The following SGCZ variants were observed in gnomAD, a reference collection of about 807,000 sequenced individuals.
The protein encoded by SGCZ is sarcoglycan zeta, also known as zeta-sarcoglycan.
SGCZ carries 40 observed loss-of-function variants against 41.3 expected under a neutral mutation model. The observed-to-expected ratio is 0.97, with a 90% CI of 0.75 to 1.26. The LOEUF (loss-of-function observed/expected upper bound fraction) is 1.26, where lower values mean the gene tolerates loss of function less well. Among genes scored for constraint, SGCZ ranks in the 50% most tolerant of loss-of-function variants. The pLI is 0.00. For missense variants in SGCZ, 552 were observed against 369.8 expected (o/e 1.49, Z -4.04); for synonymous variants, 206 against 137.5 (o/e 1.50, Z -3.49).
intron 1 of SGCZ, among the ~76,000 whole-genome samples, chr8:14,750,001 C>T (rs1799450656): frequency 6.6e-6 from 1 of 152,120 alleles, no homozygotes; most frequent in Non-Finnish European, 1.5e-5. Context: ...ATCATTCAAA[C>T]TCTCCGTTAG....
At chr8:14,738,414 A>G (rs574543382) in intron 1 of SGCZ, among the ~76,000 whole-genome samples, 16 of 152,104 alleles carry the variant, frequency 1.1e-4, no homozygotes, top group Non-Finnish European at 1.5e-4. Flanking sequence ...TAAAAAGTAA[A>G]TGATATAAGC....
chr8:15,224,706 C>G (rs964212151), intron 1 of SGCZ, among the ~76,000 whole-genome samples: 3 of 151,862 alleles, frequency 2.0e-5, no homozygotes, highest in African/African-American at 7.3e-5. Context: ...TCTGAATATA[C>G]AAAAAGGTTC....
intron 1 of SGCZ, among the ~76,000 whole-genome samples, chr8:15,147,568 G>A (rs765186602): frequency 2.0e-5 from 3 of 152,154 alleles, no homozygotes; most frequent in African/African-American, 7.2e-5. Flanking sequence ...GTGAGCTGCC[G>A]TACCCGGCTG....
At chr8:15,197,318 G>A (rs1465115772) in intron 1 of SGCZ, among the ~76,000 whole-genome samples, 1 of 152,050 alleles carries the variant, frequency 6.6e-6, no homozygotes, top group East Asian at 1.9e-4. Flanking sequence ...CTCTTCTTCA[G>A]AATACATATG....
chr8:14,605,260 T>G (rs1232177424), intron 1 of SGCZ, among the ~76,000 whole-genome samples: 2 of 104,328 alleles, frequency 1.9e-5, no homozygotes, highest in Admixed American at 2.1e-4. Flanking sequence ...CTTTTTAAAG[T>G]TTTTTTTTAA....
At chr8:14,894,306 AC>A (rs1331703386) in intron 1 of SGCZ, among the ~76,000 whole-genome samples, 3 of 152,192 alleles carry the variant, frequency 2.0e-5, no homozygotes, top group African/African-American at 7.2e-5. Context: ...CTCTCAGTTG[AC>A]TTTTGAAGAG....
intron 2 of SGCZ, among the ~76,000 whole-genome samples, chr8:14,489,887 G>A (rs998910833): frequency 2.2e-5 from 1 of 45,424 alleles, no homozygotes; most frequent in African/African-American, 9.0e-5. Context: ...TTTTTCCTGA[G>A]ATGGAGTCTC....
At chr8:14,828,090 G>A (rs62493313) in intron 1 of SGCZ, among the ~76,000 whole-genome samples, 2,437 of 152,274 alleles carry the variant, frequency 0.016, 35 homozygotes, top group Non-Finnish European at 0.023. Flanking sequence ...TATTAGAAAA[G>A]TAATTCTGCT....
At chr8:14,491,284 C>T (rs191284516) in intron 2 of SGCZ, among the ~76,000 whole-genome samples, 97 of 151,136 alleles carry the variant, frequency 6.4e-4, no homozygotes, top group African/African-American at 2.3e-3. Context: ...CACCCACCCA[C>T]ACACACACAC....
At chr8:14,409,906 TA>T (rs1374208072) in intron 2 of SGCZ, among the ~76,000 whole-genome samples, 1 of 151,924 alleles carries the variant, frequency 6.6e-6, no homozygotes, top group African/African-American at 2.4e-5. Flanking sequence ...ATATGGGAGG[TA>T]AAAATGTCTT....
chr8:14,774,786 C>G (rs188137965), intron 1 of SGCZ, among the ~76,000 whole-genome samples: 2 of 152,260 alleles, frequency 1.3e-5, no homozygotes, highest in East Asian at 3.9e-4. Flanking sequence ...ACAAGTATTA[C>G]TATCCTTTCA....
Position 14,636,150 on chromosome 8 carries a change from T to A in SGCZ, c.40-81224A>T, listed in dbSNP as rs146641732. 5.3e-5 allele frequency among the ~76,000 whole-genome samples: 8 copies of A among 151,916 alleles called. No homozygotes were observed. The East Asian group carries it at 1.6e-3, about 30-fold the overall frequency. On this transcript the variant is annotated intron_variant, in intron 1 of 7. Transcript: ENST00000382080. ...GGACCTGCAGTAAGTTCAGTGTGGG[T>A]GCATAATAGAGGATGAGAGGAAATA...
At chr8:14,652,354 G>T (rs1202840643) in intron 1 of SGCZ, among the ~76,000 whole-genome samples, 1 of 68,456 alleles carries the variant, frequency 1.5e-5, no homozygotes, top group Non-Finnish European at 3.3e-5. Flanking sequence ...AAAGGGGGGG[G>T]TGTGGGGGGG....
At chr8:14,190,344 T>G (rs1006166712) in intron 4 of SGCZ, among the ~76,000 whole-genome samples, 1 of 151,826 alleles carries the variant, frequency 6.6e-6, no homozygotes, top group African/African-American at 2.4e-5. Flanking sequence ...CTGAATAATA[T>G]CCCATTATGT....
At chr8:15,018,893 G>A (rs917201377) in intron 1 of SGCZ, among the ~76,000 whole-genome samples, 1 of 152,184 alleles carries the variant, frequency 6.6e-6, no homozygotes, top group South Asian at 2.1e-4. Flanking sequence ...AAGGCGGAGA[G>A]GAAGAAGGGA....
chr8:14,701,439 A>G (rs1214582770), intron 1 of SGCZ, among the ~76,000 whole-genome samples: 1 of 151,938 alleles, frequency 6.6e-6, no homozygotes, highest in African/African-American at 2.4e-5. Flanking sequence ...CATCCACAAT[A>G]AAGCCTCAGC....
chr8:14,127,159 A>C (rs984841873), intron 5 of SGCZ, among the ~76,000 whole-genome samples: 1 of 152,036 alleles, frequency 6.6e-6, no homozygotes, highest in Non-Finnish European at 1.5e-5. Flanking sequence ...ACTTAAAGTA[A>C]GATAAAATTA....
At chr8:14,985,225 G>C (rs1801791681) in intron 1 of SGCZ, among the ~76,000 whole-genome samples, 1 of 152,056 alleles carries the variant, frequency 6.6e-6, no homozygotes, top group Non-Finnish European at 1.5e-5. Context: ...ACTGTATCAA[G>C]GTGCCTTTTT....
In SGCZ at chr8:15,238,388, C is replaced by T. The variant is rs531663195; in HGVS notation, c.-765G>A. 1.3e-5 allele frequency: 2 copies of T among 152,316 alleles called. No homozygotes were observed. The highest frequency in any genetic ancestry group is 1.9e-4 in the East Asian group (1 of 5,174). 9.4% of individuals were successfully genotyped at this position (152,316 alleles called of 1,614,324 possible). ...GCTTCGCTGTTTTACTGGCCTTCAC[C>T]ACCAGGTGACTGACTTCGCTTCTCT... is the stretch of plus-strand genomic sequence containing the variant. On this transcript the variant is annotated 5_prime_UTR_variant, in exon 1 of 8. Coordinates refer to ENST00000382080, the MANE Select transcript of SGCZ (RefSeq NM_139167.4).
Sources: gnomAD v4.1 joint callset for allele counts (sites outside exome capture counted in the v4.1 genomes callset) on GRCh38, gnomAD v4.1.1 for gene constraint, MANE v1.5 for transcripts, NCBI Gene and HGNC (gene_info 2026-07-23, HGNC 2026-07-21) for gene names.